Variants in P2RY12 observed in about 807,000 individuals in gnomAD.
P2RY12 encodes the protein P2Y purinoceptor 12.
A neutral mutation model predicts 4.5 loss-of-function variants in P2RY12; 3 were observed. That is an observed-to-expected ratio of 0.67 (90% CI 0.31 to 1.74). P2RY12 has a LOEUF of 1.74. Among genes scored for constraint, P2RY12 ranks in the 40% most tolerant of loss-of-function variants. P2RY12 has a pLI of 0.09. For missense variants in P2RY12, 356 were observed against 407.8 expected, an observed-to-expected ratio of 0.87 and a Z score of 1.09; for synonymous variants, 148 against 154.1, an observed-to-expected ratio of 0.96 and a Z score of 0.29.
chr3:151,351,379 T>C (rs1320899788), intron 1 of P2RY12, among the ~76,000 whole-genome samples: 1 of 152,228 alleles, frequency 6.6e-6, no homozygotes, highest in Non-Finnish European at 1.5e-5. Flanking sequence ...TCCTTCCTGT[T>C]ATTCACATCA....
At chr3:151,383,981 C>A in intron 1 of P2RY12, 1 of 1,482,790 alleles carries the variant, frequency 6.7e-7, no homozygotes, top group Non-Finnish European at 9.2e-7. Context: ...ATCTTATTTA[C>A]TTGGATGCTA....
At position 151,377,325 on chromosome 3, in the gene P2RY12, G is replaced by T. The variant is rs145567806; in HGVS notation, c.-180+7367C>A. 533 of 667,454 alleles carry T rather than the reference G, an allele frequency of 8.0e-4. No individual in the cohort carries two copies. The African/African-American group carries it at 9.1e-3, about 11-fold the overall frequency. 41.3% of individuals were successfully genotyped at this position (667,454 alleles called of 1,614,324 possible). ...CAGGGATTATTATTAATAAGTTAAT[G>T]AGTAAAGCTGGGGTGAATGATAGCT... On this transcript the variant is annotated intron_variant, in intron 1 of 2. Coordinates refer to ENST00000302632, the MANE Select transcript of P2RY12 (RefSeq NM_022788.5).
chr3:151,379,987 A>T, intron 1 of P2RY12: 1 of 585,334 alleles, frequency 1.7e-6, no homozygotes, highest in Non-Finnish European at 2.9e-6. Context: ...TTAAATTTTC[A>T]AGCAGTCTTT....
chr3:151,369,300 A>G (rs928034957), intron 1 of P2RY12: 9 of 533,608 alleles, frequency 1.7e-5, no homozygotes, highest in Non-Finnish European at 2.4e-5. Flanking sequence ...TAGTGAATCC[A>G]TGAAGCATCA....
chr3:151,356,023 T>C (rs1178913570), intron 1 of P2RY12: 3 of 1,612,260 alleles, frequency 1.9e-6, no homozygotes, highest in East Asian at 2.2e-5. Context: ...AACGGACTAA[T>C]TGACTTCGCA....
chr3:151,342,966 A>C (rs906258772), intron 1 of P2RY12, among the ~76,000 whole-genome samples: 1 of 152,170 alleles, frequency 6.6e-6, no homozygotes, highest in Non-Finnish European at 1.5e-5. Flanking sequence ...AGAGCAGAGC[A>C]GTGAAGTTAG....
At chr3:151,383,813 C>A (rs1367538051) in intron 1 of P2RY12, 1 of 1,613,736 alleles carries the variant, frequency 6.2e-7, no homozygotes, top group East Asian at 2.2e-5. Context: ...CAGAGGAGCA[C>A]CCAGTGGACT....
At chr3:151,348,283 T>A (rs1212671315) in intron 1 of P2RY12, among the ~76,000 whole-genome samples, 1 of 148,864 alleles carries the variant, frequency 6.7e-6, no homozygotes, top group Non-Finnish European at 1.5e-5. Context: ...TTTTCATAAT[T>A]TTATTAGTGC....
At chr3:151,346,475 T>C (rs9820422) in intron 1 of P2RY12, among the ~76,000 whole-genome samples, 133,238 of 152,180 alleles carry the variant, frequency 0.88, 58,552 homozygotes, top group Middle Eastern at 0.96. Context: ...CGCTTGTTTC[T>C]TAGCTTTGTG....
chr3:151,370,907 C>T (rs1756099324), intron 1 of P2RY12, among the ~76,000 whole-genome samples: 1 of 152,178 alleles, frequency 6.6e-6, no homozygotes, highest in Admixed American at 6.5e-5. Flanking sequence ...AGAATTTGCC[C>T]ACCTCTTCAT....
In P2RY12 at chr3:151,337,980, A is replaced by G. The variant is rs774092350; in HGVS notation, c.866T>C (p.Leu289Ser). Residue 289 changes from leucine (L) to serine (S), a missense_variant, in exon 3 of 3, where the codon TTA (leucine) becomes TCA (serine). Transcript: ENST00000302632. ...VKESTLWLTSLNACLDPFIYF... is the reference protein window; with the variant it reads ...VKESTLWLTSSNACLDPFIYF... Reference sequence around the variant, plus strand: ...GATGAACGGATCCAGGCATGCATTTAAGGAAGTTAACCACAGAGTGCTCTC... The same window carrying G: ...GATGAACGGATCCAGGCATGCATTTGAGGAAGTTAACCACAGAGTGCTCTC... 13 of 1,614,124 alleles carry G rather than the reference A, an allele frequency of 8.1e-6. No individual in the cohort carries two copies. Among genetic ancestry groups the G allele is most frequent in the Non-Finnish European group, 9.3e-6 (11 of 1,180,000 alleles).
intron 1 of P2RY12, among the ~76,000 whole-genome samples, chr3:151,367,980 G>C (rs180824321): frequency 2.6e-4 from 40 of 152,252 alleles, no homozygotes; most frequent in Middle Eastern, 6.8e-3. Context: ...GTTACAGTCT[G>C]TTTTAAGGAA....
chr3:151,340,388 A>G (rs191302355), intron 2 of P2RY12, among the ~76,000 whole-genome samples: 331 of 152,274 alleles, frequency 2.2e-3, no homozygotes, highest in Middle Eastern at 3.4e-3. Context: ...TATGCTTTGT[A>G]TAATTTTTCT....
chr3:151,375,423 A>G (rs1275600529), intron 1 of P2RY12, among the ~76,000 whole-genome samples: 1 of 152,214 alleles, frequency 6.6e-6, no homozygotes, highest in Non-Finnish European at 1.5e-5. Flanking sequence ...AAATTGGTAG[A>G]AACTCTTCAG....
chr3:151,356,168 G>C, intron 1 of P2RY12: 3 of 904,744 alleles, frequency 3.3e-6, no homozygotes, highest in Non-Finnish European at 4.8e-6. Context: ...GGGAGGCCGA[G>C]GTAGGAGGAT....
At chr3:151,380,762 A>G (rs1303518595) in intron 1 of P2RY12, among the ~76,000 whole-genome samples, 3 of 152,222 alleles carry the variant, frequency 2.0e-5, no homozygotes, top group Non-Finnish European at 4.4e-5. Flanking sequence ...TATAAAAGTA[A>G]AATTTTATAT....
chr3:151,337,907 C>T lies in P2RY12; in HGVS notation c.939G>A (p.Leu313=). ...KSFRNSLISM[L]KCPNSATSLS... ...GAGATGTTGCAGAATTGGGGCACTT[C>T]AGCATACTTATCAAGGAATTTCTGA... The change falls in exon 3 of 3, where the codon CTG becomes CTA. Residue 313 remains leucine (L), a synonymous_variant. Coordinates refer to ENST00000302632, the MANE Select transcript of P2RY12 (RefSeq NM_022788.5). The T allele has an allele frequency of 6.2e-7, 1 of 1,614,116 alleles. No individual in the cohort carries two copies. Among genetic ancestry groups the T allele is most frequent in the South Asian group, 1.1e-5 (1 of 91,088 alleles).
intron 1 of P2RY12, among the ~76,000 whole-genome samples, chr3:151,363,533 A>G (rs189647546): frequency 2.0e-5 from 3 of 152,280 alleles, no homozygotes; most frequent in Admixed American, 6.5e-5. Flanking sequence ...CAAGAGCTTT[A>G]TTTCTCACAT....
intron 1 of P2RY12, among the ~76,000 whole-genome samples, chr3:151,346,111 C>T (rs1752505128): frequency 6.6e-6 from 1 of 152,134 alleles, no homozygotes; most frequent in South Asian, 2.1e-4. Flanking sequence ...ATATCAAGGC[C>T]AAGGAATGAT....
Sources: allele counts gnomAD v4.1 joint callset (sites outside exome capture counted in the v4.1 genomes callset), GRCh38; gene constraint gnomAD v4.1.1; transcripts MANE v1.5; gene names NCBI Gene and HGNC (gene_info 2026-07-23, HGNC 2026-07-21).